The following TENM4 variants were observed in gnomAD, a reference collection of about 807,000 sequenced individuals.
TENM4 encodes teneurin-4.
TENM4 carries 82 observed loss-of-function variants against 243.3 expected under a neutral mutation model. The observed-to-expected ratio is 0.34, with a 90% confidence interval of 0.28 to 0.40. The LOEUF is 0.40. TENM4 is among the 10% of genes least tolerant of loss of function. The pLI is 1.00. For missense variants in TENM4, 3,138 were observed against 3,673.3 expected (o/e 0.85, Z 3.77); for synonymous variants, 1,412 against 1,456.3 (o/e 0.97, Z 0.69).
chr11:79,435,655 T>C (rs1048772932), intron 1 of TENM4, among the ~76,000 whole-genome samples: 2 of 152,214 alleles, frequency 1.3e-5, no homozygotes, highest in Admixed American at 1.3e-4. Flanking sequence ...TGGGGCTGTG[T>C]AGCTGTTTGT....
intron 6 of TENM4, among the ~76,000 whole-genome samples, chr11:79,037,036 A>G (rs142166735): frequency 2.9e-5 from 3 of 104,544 alleles, no homozygotes; most frequent in South Asian, 2.7e-4. Context: ...AAAAAAAAAA[A>G]AAAAAAAAAG....
At chr11:79,329,920 G>C (rs1369668173) in intron 1 of TENM4, among the ~76,000 whole-genome samples, 1 of 152,194 alleles carries the variant, frequency 6.6e-6, no homozygotes, top group African/African-American at 2.4e-5. Flanking sequence ...TGCCTGGTAA[G>C]GAATGGATCA....
At chr11:79,250,558 T>C (rs561691810) in intron 2 of TENM4, among the ~76,000 whole-genome samples, 43 of 152,354 alleles carry the variant, frequency 2.8e-4, no homozygotes, top group South Asian at 1.2e-3. Flanking sequence ...TAAGAAAATA[T>C]TTCAAAAGTT....
chr11:79,419,547 A>G (rs1267224487), intron 1 of TENM4, among the ~76,000 whole-genome samples: 1 of 151,970 alleles, frequency 6.6e-6, no homozygotes, highest in African/African-American at 2.4e-5. Flanking sequence ...CAAAAAGGAA[A>G]CTCACATTCT....
At chr11:78,987,988 G>C (rs1857957099) in intron 6 of TENM4, among the ~76,000 whole-genome samples, 1 of 152,188 alleles carries the variant, frequency 6.6e-6, no homozygotes, top group African/African-American at 2.4e-5. Context: ...GTGTAGCCAG[G>C]TTGAAGATGG....
intron 3 of TENM4, among the ~76,000 whole-genome samples, chr11:79,200,092 C>T (rs1480427687): frequency 1.3e-5 from 2 of 152,230 alleles, no homozygotes; most frequent in African/African-American, 4.8e-5. Flanking sequence ...TCACTCTTCT[C>T]GCCTTCTCTC....
At chr11:79,411,557 T>C (rs1170586634) in intron 1 of TENM4, among the ~76,000 whole-genome samples, 1 of 152,190 alleles carries the variant, frequency 6.6e-6, no homozygotes, top group Non-Finnish European at 1.5e-5. Context: ...CGCTGCAGCC[T>C]TCCTCTCTTC....
intron 29 of TENM4, among the ~76,000 whole-genome samples, chr11:78,686,112 A>C: frequency 6.6e-6 from 1 of 152,186 alleles, no homozygotes; most frequent in Non-Finnish European, 1.5e-5. Flanking sequence ...CATACCCTGG[A>C]GGAAGGAATG....
intron 6 of TENM4, among the ~76,000 whole-genome samples, chr11:78,923,886 A>T: frequency 7.1e-6 from 1 of 141,622 alleles, no homozygotes; most frequent in Non-Finnish European, 1.5e-5. Context: ...CAAGAGTCTT[A>T]CTCTGTTGCC....
intron 9 of TENM4, among the ~76,000 whole-genome samples, chr11:78,874,132 A>C (rs1457337371): frequency 2.0e-5 from 3 of 152,094 alleles, no homozygotes; most frequent in Non-Finnish European, 2.9e-5. Flanking sequence ...TACCAGGCTT[A>C]GTACCCAGTG....
chr11:79,023,797 G>T (rs1470962785), intron 6 of TENM4, among the ~76,000 whole-genome samples: 1 of 152,146 alleles, frequency 6.6e-6, no homozygotes, highest in Non-Finnish European at 1.5e-5. Flanking sequence ...TTAGTGCTGG[G>T]CCAATACTGG....
chr11:78,805,277 T>TGCCCCCCCCCCCCCCCCCCCCCCC lies in TENM4; in HGVS notation c.2179+14_2179+15insGGGGGGGGGGGGGGGGGGGGGGGC. ...CCCCTCCCTCTACCCATGCTTCTTC[T>TGCCCCCCCCCCCCCCCCCCCCCCC]CCCCCTGCATTTACCGATAGAACAG... On this transcript the variant is annotated intron_variant, in intron 15 of 33. Transcript: ENST00000278550. 1.4e-5 allele frequency: 20 copies of TGCCCCCCCCCCCCCCCCCCCCCCC among 1,402,542 alleles called. No homozygotes were observed. The highest frequency in any genetic ancestry group is 5.9e-5 in the Admixed American group (3 of 51,030). 86.9% of individuals were successfully genotyped at this position (1,402,542 alleles called of 1,614,324 possible).
rs1191795401 is a variant in TENM4 at position 78,889,977 on chromosome 11, T to G, written c.892A>C (p.Thr298Pro). The change falls in exon 9 of 34, where the codon ACC becomes CCC. Residue 298 changes from threonine to proline, a missense_variant. By Grantham distance (38) the Thr-to-Pro change is conservative (BLOSUM62 -1). Coordinates refer to ENST00000278550, the MANE Select transcript of TENM4 (RefSeq NM_001098816.3). The part of the protein sequence containing the change: ...KPGGTSPLFC[T>P]TSPGYPLTSS... ...GTCAGTGGGTACCCTGGTGATGTGG[T>G]GCAGAAGAGCGGGGAGGTGCCTCCA... The G allele has an allele frequency of 6.5e-7, 1 of 1,549,862 alleles. No individual in the cohort carries two copies. Among genetic ancestry groups the G allele is most frequent in the African/African-American group, 1.4e-5 (1 of 73,076 alleles).
intron 1 of TENM4, among the ~76,000 whole-genome samples, chr11:79,404,468 G>C (rs917728899): frequency 2.0e-5 from 3 of 152,200 alleles, no homozygotes; most frequent in African/African-American, 7.2e-5. Context: ...GAAATGGGGA[G>C]TGACTGCTGA....
intron 6 of TENM4, among the ~76,000 whole-genome samples, chr11:79,059,850 T>C (rs1252306336): frequency 6.6e-6 from 1 of 152,208 alleles, no homozygotes; most frequent in Non-Finnish European, 1.5e-5. Flanking sequence ...TCTCAGAGCT[T>C]AGACTGGGGC....
intron 1 of TENM4, among the ~76,000 whole-genome samples, chr11:79,378,238 G>C (rs1857931270): frequency 6.6e-6 from 1 of 152,206 alleles, no homozygotes; most frequent in Admixed American, 6.5e-5. Flanking sequence ...CTGGAGACCT[G>C]TCGCCACCAA....
At chr11:78,898,483 C>T (rs1177835743) in intron 7 of TENM4, among the ~76,000 whole-genome samples, 2 of 152,210 alleles carry the variant, frequency 1.3e-5, no homozygotes, top group Non-Finnish European at 2.9e-5. Flanking sequence ...GCTGTTTAGG[C>T]TCCCATTCTG....
intron 1 of TENM4, among the ~76,000 whole-genome samples, chr11:79,340,414 C>T (rs544290252): frequency 1.7e-4 from 26 of 152,224 alleles, no homozygotes; most frequent in African/African-American, 5.5e-4. Flanking sequence ...CCAGGGACCA[C>T]CAGCTCTTGA....
chr11:78,933,326 C>T (rs759816679), intron 6 of TENM4, among the ~76,000 whole-genome samples: 38 of 152,216 alleles, frequency 2.5e-4, no homozygotes, highest in South Asian at 8.3e-4. Flanking sequence ...GCTCAGGAAA[C>T]GGCAGCAATA....
Sources: allele counts gnomAD v4.1 joint callset (sites outside exome capture counted in the v4.1 genomes callset), GRCh38; gene constraint gnomAD v4.1.1; transcripts MANE v1.5; gene names NCBI Gene and HGNC (gene_info 2026-07-23, HGNC 2026-07-21).